ARID1B: variants seen among roughly 807,000 people sequenced by gnomAD.
The protein encoded by ARID1B is AT-rich interactive domain-containing protein 1B.
ARID1B carries 30 observed loss-of-function variants against 212.3 expected under a neutral mutation model. The ratio of observed to expected loss-of-function variants is 0.14; its 90% CI spans 0.11 to 0.19. The LOEUF (loss-of-function observed/expected upper bound fraction) is 0.19. Among genes scored for constraint, ARID1B ranks in the 10% least tolerant of loss-of-function variants. The pLI is 1.00. For missense variants in ARID1B, 2,891 were observed against 3,204.0 expected, an observed-to-expected ratio of 0.90 and a Z score of 2.36; for synonymous variants, 1,402 against 1,301.7, an observed-to-expected ratio of 1.08 and a Z score of -1.66.
At chr6:157,170,258 C>A (rs1462357139) in intron 9 of ARID1B, 4 of 152,140 alleles carry the variant, frequency 2.6e-5, no homozygotes, top group African/African-American at 9.7e-5. Flanking sequence ...TAGCTGTTTA[C>A]CAGATGATTT....
intron 1 of ARID1B, among the ~76,000 whole-genome samples, chr6:156,827,361 G>A (rs1314026243): frequency 4.6e-5 from 7 of 152,198 alleles, no homozygotes; most frequent in Non-Finnish European, 8.8e-5. Flanking sequence ...AAATCCTGCC[G>A]CATTTCCCTT....
At chr6:156,840,082 G>C (rs371714214) in intron 2 of ARID1B, among the ~76,000 whole-genome samples, 1 of 152,182 alleles carries the variant, frequency 6.6e-6, no homozygotes, top group African/African-American at 2.4e-5. Flanking sequence ...TCCCTCTTCA[G>C]TGTCGCCTCC....
chr6:156,859,530 T>A (rs1171376739), intron 2 of ARID1B, among the ~76,000 whole-genome samples: 3 of 149,122 alleles, frequency 2.0e-5, no homozygotes, highest in African/African-American at 4.9e-5. Context: ...TTTAGTTCTT[T>A]AAAAAAAAAA....
chr6:156,897,690 C>T (rs1788596682), intron 2 of ARID1B, among the ~76,000 whole-genome samples: 1 of 151,804 alleles, frequency 6.6e-6, no homozygotes, highest in Non-Finnish European at 1.5e-5. Context: ...ATAGTTAGAA[C>T]TGTGTTCGAG....
intron 1 of ARID1B, among the ~76,000 whole-genome samples, chr6:156,797,034 A>G (rs2115283852): frequency 6.6e-6 from 1 of 152,098 alleles, no homozygotes; most frequent in East Asian, 1.9e-4. Context: ...GGTGGGTGGG[A>G]GGCCTGAGTT....
chr6:157,207,839 C>T lies in ARID1B; in HGVS notation c.7067C>T (p.Ser2356Phe). ...LDISISAVLNSLVASVICDVL... is the reference protein window; with the variant it reads ...LDISISAVLNFLVASVICDVL... ...ATCTCGATATCAGCTGTCCTGAACTCTCTGGTTGCATCTGTCATCTGTGAT... is the reference window on the plus strand; with the variant it reads ...ATCTCGATATCAGCTGTCCTGAACTTTCTGGTTGCATCTGTCATCTGTGAT... Residue 2356 changes from serine (S) to phenylalanine (F), a missense_variant, in exon 20 of 20, where the codon TCT becomes TTT. Physicochemically the swap from Ser to Phe is radical, Grantham distance 155 (BLOSUM62 -2). Around this residue, in one of 7 missense-constraint regions of ARID1B, gnomAD observed 187 missense variants for 306.5 expected, o/e 0.61. Transcript: ENST00000636930. The surrounding 1 kb of genome is among the most constrained non-coding windows in gnomAD (Gnocchi z 8.5). 3 of 1,517,536 alleles carry T rather than the reference C, an allele frequency of 2.0e-6. No individual in the cohort carries two copies. The highest frequency in any genetic ancestry group is 1.8e-6 in the Non-Finnish European group (2 of 1,131,110). The allele number at this position is 1,517,536 out of a possible 1,614,324, so 94.0% of individuals were successfully genotyped here. A position where few individuals can be genotyped will look rare whatever the true frequency, so the allele number is the denominator to read the frequency against.
intron 7 of ARID1B, among the ~76,000 whole-genome samples, chr6:157,135,225 G>A (rs555193962): frequency 6.6e-6 from 1 of 152,034 alleles, no homozygotes; most frequent in East Asian, 1.9e-4. Context: ...TCTTTCTGAA[G>A]TTCTTTTTGT....
chr6:156,885,889 T>C (rs575530476), intron 2 of ARID1B, among the ~76,000 whole-genome samples: 1 of 152,328 alleles, frequency 6.6e-6, no homozygotes, highest in East Asian at 1.9e-4. Flanking sequence ...GTAGAAATTT[T>C]GTATCCTAAT....
intron 1 of ARID1B, among the ~76,000 whole-genome samples, chr6:156,782,876 T>C (rs1779373652): frequency 6.6e-6 from 1 of 152,100 alleles, no homozygotes; most frequent in Non-Finnish European, 1.5e-5. Context: ...GTCTGCAGTT[T>C]TGTTTTCTGA....
At chr6:156,933,842 C>T (rs1562494053) in intron 3 of ARID1B, among the ~76,000 whole-genome samples, 3 of 152,206 alleles carry the variant, frequency 2.0e-5, no homozygotes, top group South Asian at 2.1e-4. Context: ...ATTATTGGCA[C>T]GCTCCTGTAT....
At chr6:157,042,082 C>T (rs1402109421) in intron 4 of ARID1B, among the ~76,000 whole-genome samples, 4 of 152,152 alleles carry the variant, frequency 2.6e-5, no homozygotes, top group Admixed American at 6.5e-5. Context: ...GTAATGTGTT[C>T]GATTCTCCTC....
chr6:156,912,046 A>G (rs1789932196), intron 3 of ARID1B, among the ~76,000 whole-genome samples: 1 of 152,168 alleles, frequency 6.6e-6, no homozygotes. Context: ...CTTTTGCTTT[A>G]TTTGTATTTT....
chr6:157,181,052 C>T lies in ARID1B; in HGVS notation c.3588C>T (p.Val1196=), dbSNP rs371828409. ...LGNEPERKLW[V]DRYLTFMEER... is the part of the protein sequence containing the mutation. The stretch of plus-strand genomic sequence containing the variant: ...ATGAGCCAGAGAGAAAGCTCTGGGT[C>T]GACCGATACCTCACCTTCATGGAAG... Residue 1196 remains valine, a synonymous_variant, in exon 12 of 20, where the codon GTC becomes GTT. Coordinates refer to ENST00000636930, the MANE Select transcript of ARID1B (RefSeq NM_001374828.1). 233 of 1,614,130 alleles carry T rather than the reference C, an allele frequency of 1.4e-4. 1 individual carries two copies. The South Asian group carries it at 2.2e-3, about 16-fold the overall frequency.
At chr6:156,928,721 T>C (rs1791452696) in intron 3 of ARID1B, among the ~76,000 whole-genome samples, 1 of 152,196 alleles carries the variant, frequency 6.6e-6, no homozygotes, top group Admixed American at 6.5e-5. Flanking sequence ...TTCACCTGGC[T>C]TGCCAGCCAG....
At chr6:156,998,075 C>T (rs561484154) in intron 4 of ARID1B, among the ~76,000 whole-genome samples, 5 of 152,252 alleles carry the variant, frequency 3.3e-5, no homozygotes, top group Admixed American at 2.0e-4. Context: ...GGGTGCTGTG[C>T]GGGCTTGCAG....
chr6:156,881,482 C>A (rs1787093383), intron 2 of ARID1B, among the ~76,000 whole-genome samples: 1 of 152,120 alleles, frequency 6.6e-6, no homozygotes, highest in Non-Finnish European at 1.5e-5. Flanking sequence ...TATATAGTGT[C>A]ACATGTAATA....
chr6:157,208,720 T>C lies in ARID1B; in HGVS notation c.*829T>C, dbSNP rs1397474047. 11 of 226,140 alleles carry C rather than the reference T, an allele frequency of 4.9e-5. No individual in the cohort carries two copies. The highest frequency in any genetic ancestry group is 1.8e-4 in the South Asian group (1 of 5,466). The allele number at this position is 226,140 out of a possible 1,614,324, so 14.0% of individuals were successfully genotyped here. On this transcript the variant is annotated 3_prime_UTR_variant, in exon 20 of 20. Coordinates refer to ENST00000636930, the MANE Select transcript of ARID1B (RefSeq NM_001374828.1). Reference sequence around the variant, plus strand: ...TACCCTCATTTTTTTCTTTTCTTTTTTTTTTTTTTTTTTAGTACAAAGTTT... The same window carrying C: ...TACCCTCATTTTTTTCTTTTCTTTTCTTTTTTTTTTTTTAGTACAAAGTTT...
chr6:157,116,834 A>C (rs1217215707), intron 6 of ARID1B, among the ~76,000 whole-genome samples: 1 of 152,166 alleles, frequency 6.6e-6, no homozygotes, highest in Non-Finnish European at 1.5e-5. Context: ...ACTGTTGAAA[A>C]AGAGGAGTTG....
intron 4 of ARID1B, among the ~76,000 whole-genome samples, chr6:157,041,804 C>A (rs115550794): frequency 6.6e-6 from 1 of 152,126 alleles, no homozygotes. Context: ...TACCCTGTAC[C>A]CGCCTCTCAG....
Sources: gnomAD v4.1 joint callset for allele counts (sites outside exome capture counted in the v4.1 genomes callset) on GRCh38, gnomAD v4.1.1 for gene constraint, gnomAD v4.1.1 regional missense constraint, Gnocchi (gnomAD v3.1) non-coding constraint, MANE v1.5 for transcripts, NCBI Gene and HGNC (gene_info 2026-07-23, HGNC 2026-07-21) for gene names.